CDK14: variants seen among roughly 807,000 people sequenced by gnomAD.
CDK14 encodes the protein cyclin-dependent kinase 14.
A neutral mutation model predicts 60.7 loss-of-function variants in CDK14; 34 were observed. The ratio of observed to expected loss-of-function variants is 0.56; its 90% CI spans 0.43 to 0.75. The LOEUF (loss-of-function observed/expected upper bound fraction) is 0.75, where lower values mean the gene tolerates loss of function less well. Among genes scored for constraint, CDK14 ranks in the 30% least tolerant of loss-of-function variants. The pLI is 0.00. For missense variants in CDK14, 482 were observed against 564.1 expected (o/e 0.85, Z 1.47); for synonymous variants, 197 against 203.7 (o/e 0.97, Z 0.28).
At chr7:91,060,423 G>A (rs947076253) in intron 11 of CDK14, among the ~76,000 whole-genome samples, 1 of 152,120 alleles carries the variant, frequency 6.6e-6, no homozygotes, top group Non-Finnish European at 1.5e-5. Flanking sequence ...ATTGTTATGT[G>A]TGAATTTGAT....
At chr7:91,182,428 T>G (rs1450503774) in intron 14 of CDK14, among the ~76,000 whole-genome samples, 1 of 151,998 alleles carries the variant, frequency 6.6e-6, no homozygotes, top group Non-Finnish European at 1.5e-5. Context: ...TATTGTAAAA[T>G]GTATAGTTTC....
At chr7:90,982,314 C>T (rs565201346) in intron 9 of CDK14, among the ~76,000 whole-genome samples, 72 of 152,052 alleles carry the variant, frequency 4.7e-4, no homozygotes, top group Admixed American at 7.9e-4. Context: ...AGTAAATAGG[C>T]GAAGAAGGAG....
At chr7:90,808,537 G>C (rs191660963) in intron 5 of CDK14, among the ~76,000 whole-genome samples, 2 of 152,260 alleles carry the variant, frequency 1.3e-5, no homozygotes, top group East Asian at 3.9e-4. Flanking sequence ...GACCATCGAG[G>C]CTAGGAAGAA....
intron 2 of CDK14, among the ~76,000 whole-genome samples, chr7:90,690,446 CAA>C (rs1327275389): frequency 6.6e-6 from 1 of 152,156 alleles, no homozygotes; most frequent in African/African-American, 2.4e-5. Context: ...TTAAATATGG[CAA>C]TACCTGTAAA....
intron 3 of CDK14, among the ~76,000 whole-genome samples, chr7:90,741,559 G>T (rs1204633505): frequency 6.6e-6 from 1 of 152,080 alleles, no homozygotes; most frequent in East Asian, 1.9e-4. Flanking sequence ...ATTTTAATAA[G>T]TACCTGTTTT....
intron 5 of CDK14, among the ~76,000 whole-genome samples, chr7:90,819,813 A>G (rs773834317): frequency 6.6e-6 from 1 of 152,200 alleles, no homozygotes; most frequent in Non-Finnish European, 1.5e-5. Context: ...TAATAATTCA[A>G]TCAGGACTCA....
At chr7:91,012,065 C>T (rs1215873419) in intron 10 of CDK14, among the ~76,000 whole-genome samples, 1 of 152,098 alleles carries the variant, frequency 6.6e-6, no homozygotes, top group Admixed American at 6.6e-5. Flanking sequence ...TATTCTTCAG[C>T]TTGTTCTGTG....
chr7:90,933,260 A>G (rs1406112266), intron 8 of CDK14, among the ~76,000 whole-genome samples: 1 of 150,566 alleles, frequency 6.6e-6, no homozygotes, highest in African/African-American at 2.4e-5. Flanking sequence ...AGCCCAGGTG[A>G]CAGAGTGAAA....
intron 2 of CDK14, among the ~76,000 whole-genome samples, chr7:90,646,888 G>A (rs994507391): frequency 5.9e-5 from 9 of 152,194 alleles, no homozygotes; most frequent in African/African-American, 1.9e-4. Context: ...TAAATATTGA[G>A]TCACATATGG....
At chr7:91,168,509 C>T (rs1801418877) in intron 14 of CDK14, among the ~76,000 whole-genome samples, 2 of 152,108 alleles carry the variant, frequency 1.3e-5, no homozygotes, top group African/African-American at 2.4e-5. Flanking sequence ...ACTTGCCAGG[C>T]ATGATGCTAT....
chr7:91,078,887 A>T (rs1798399438), intron 11 of CDK14, among the ~76,000 whole-genome samples: 1 of 152,232 alleles, frequency 6.6e-6, no homozygotes, highest in Non-Finnish European at 1.5e-5. Context: ...TTAACTTGGT[A>T]AAACAAACAT....
chr7:90,709,659 A>C, intron 2 of CDK14: 1 of 1,597,312 alleles, frequency 6.3e-7, no homozygotes, highest in Non-Finnish European at 8.6e-7. Context: ...TGGAGAAAAT[A>C]ATTGAGCTGT....
intron 4 of CDK14, among the ~76,000 whole-genome samples, chr7:90,753,582 A>G (rs1803933493): frequency 6.6e-6 from 1 of 152,156 alleles, no homozygotes; most frequent in South Asian, 2.1e-4. Flanking sequence ...GGAAAAAGAC[A>G]AGGATACCCA....
intron 2 of CDK14, among the ~76,000 whole-genome samples, chr7:90,719,739 T>C (rs1802378473): frequency 6.6e-6 from 1 of 152,180 alleles, no homozygotes. Flanking sequence ...ATTTTGGTAT[T>C]TGTGATGATT....
chr7:90,922,868 A>G (rs186399436), intron 8 of CDK14, among the ~76,000 whole-genome samples: 320 of 152,268 alleles, frequency 2.1e-3, no homozygotes, highest in Middle Eastern at 0.01. Flanking sequence ...GAAGCGTCTT[A>G]GGTTCACAGC....
chr7:90,997,123 C>T (rs1032967464), intron 10 of CDK14, among the ~76,000 whole-genome samples: 6 of 152,174 alleles, frequency 3.9e-5, no homozygotes, highest in Non-Finnish European at 8.8e-5. Flanking sequence ...TTTCCTCCTC[C>T]TGGACCTCTT....
chr7:90,714,570 G>T (rs1802177843), intron 2 of CDK14, among the ~76,000 whole-genome samples: 2 of 152,034 alleles, frequency 1.3e-5, no homozygotes, highest in South Asian at 4.1e-4. Flanking sequence ...AACATTGAAA[G>T]ATACTTCCAT....
intron 4 of CDK14, among the ~76,000 whole-genome samples, chr7:90,780,521 C>G (rs1170672514): frequency 6.7e-6 from 1 of 149,446 alleles, no homozygotes; most frequent in Non-Finnish European, 1.5e-5. Context: ...GTATGCTGCA[C>G]CCATTAACTC....
chr7:90,733,487 A>G (rs1220534885), intron 3 of CDK14, among the ~76,000 whole-genome samples: 1 of 152,204 alleles, frequency 6.6e-6, no homozygotes, highest in African/African-American at 2.4e-5. Context: ...AACTCGCTTT[A>G]TGAATCAGGG....
Sources: allele counts gnomAD v4.1 joint callset (sites outside exome capture counted in the v4.1 genomes callset), GRCh38; gene constraint gnomAD v4.1.1; transcripts MANE v1.5; gene names NCBI Gene and HGNC (gene_info 2026-07-23, HGNC 2026-07-21).